SRGAP1: variants seen among roughly 807,000 people sequenced by gnomAD.
SRGAP1 encodes the protein SLIT-ROBO Rho GTPase-activating protein 1.
A neutral mutation model predicts 121.9 loss-of-function variants in SRGAP1; 43 were observed. The ratio of observed to expected loss-of-function variants is 0.35; its 90% confidence interval spans 0.28 to 0.46. SRGAP1 has a LOEUF of 0.46. Ranked by LOEUF, SRGAP1 falls within the 20% of genes least tolerant of loss-of-function variation. SRGAP1 has a pLI of 1.00. For synonymous variants in SRGAP1, 447 were observed against 485.4 expected, an observed-to-expected ratio of 0.92 and a Z score of 1.04; for missense variants, 1,102 against 1,350.9, an observed-to-expected ratio of 0.82 and a Z score of 2.89.
rs1196886875 is a variant in SRGAP1 at position 63,932,832 on chromosome 12, A to G, written c.68-51115A>G. Among the ~76,000 whole-genome samples the G allele has an allele frequency of 2.0e-5, 3 of 152,186 alleles. No individual in the cohort carries two copies. The East Asian group carries it at 5.8e-4, about 29-fold the overall frequency. On this transcript the variant is annotated intron_variant, in intron 1 of 21. Coordinates refer to ENST00000355086, the MANE Select transcript of SRGAP1 (RefSeq NM_020762.4). ...TTTGCATTTTTTCCTGCATTCTGAT[A>G]TGAGACTGGTTGAAGTGGAAAATCA...
chr12:63,995,073 G>A (rs2033657753), intron 3 of SRGAP1, among the ~76,000 whole-genome samples: 1 of 152,200 alleles, frequency 6.6e-6, no homozygotes, highest in Non-Finnish European at 1.5e-5. Flanking sequence ...TATGTAGTTT[G>A]GAGGTATACC....
chr12:63,905,975 T>G (rs1030140354), intron 1 of SRGAP1, among the ~76,000 whole-genome samples: 12 of 152,324 alleles, frequency 7.9e-5, no homozygotes, highest in African/African-American at 2.6e-4. Flanking sequence ...CAGCCATCAC[T>G]GCAATGCAGG....
intron 1 of SRGAP1, among the ~76,000 whole-genome samples, chr12:63,887,028 C>G (rs1376146267): frequency 6.6e-6 from 1 of 152,140 alleles, no homozygotes; most frequent in Non-Finnish European, 1.5e-5. Flanking sequence ...CATCCGCCAC[C>G]ATGCCTGGCT....
chr12:63,927,141 CTG>C, intron 1 of SRGAP1, among the ~76,000 whole-genome samples: 1 of 152,160 alleles, frequency 6.6e-6, no homozygotes, highest in Non-Finnish European at 1.5e-5. Flanking sequence ...ATCTTGACGT[CTG>C]TTAGTATTTT....
chr12:63,993,833 C>T (rs1014333291), intron 3 of SRGAP1, among the ~76,000 whole-genome samples: 3 of 150,746 alleles, frequency 2.0e-5, no homozygotes, highest in African/African-American at 7.3e-5. Flanking sequence ...ACATAGTTGC[C>T]TAAACTCAAA....
At position 64,062,921 on chromosome 12, in the gene SRGAP1, G is replaced by A. The variant is rs1208074975; in HGVS notation, c.806G>A (p.Cys269Tyr). The change falls in exon 7 of 22, where the codon TGT becomes TAT. Residue 269 changes from cysteine to tyrosine, a missense_variant. Transcript: ENST00000355086. ...IHDLSDLIDC[C>Y]DLGYHASLNR... Reference sequence around the variant, plus strand: ...GGTGTTCTTTTACTTTTTAAGTGCTGTGATCTTGGCTACCATGCAAGTCTG... The same window carrying A: ...GGTGTTCTTTTACTTTTTAAGTGCTATGATCTTGGCTACCATGCAAGTCTG... 8.1e-6 allele frequency: 13 copies of A among 1,607,488 alleles called. No homozygotes were observed. Among genetic ancestry groups the A allele is most frequent in the Non-Finnish European group, 1.1e-5 (13 of 1,176,896 alleles).
chr12:63,943,756 A>G (rs2031946297), intron 1 of SRGAP1, among the ~76,000 whole-genome samples: 1 of 152,186 alleles, frequency 6.6e-6, no homozygotes, highest in East Asian at 1.9e-4. Context: ...CATGGGGTAT[A>G]CAGATCTGCA....
intron 18 of SRGAP1, 108 bp downstream of exon 18, chr12:64,116,001 T>A: frequency 9.6e-7 from 1 of 1,043,528 alleles, no homozygotes; most frequent in South Asian, 1.6e-5. Context: ...CTACCTATAA[T>A]CCCAGCACGT....
At chr12:64,055,984 C>T (rs796980899) in intron 6 of SRGAP1, among the ~76,000 whole-genome samples, 4 of 152,276 alleles carry the variant, frequency 2.6e-5, no homozygotes, top group African/African-American at 9.6e-5. Context: ...GTCTAACAGG[C>T]ATCTTGAACA....
chr12:64,082,841 A>G (rs948106751), intron 10 of SRGAP1, among the ~76,000 whole-genome samples: 2 of 152,138 alleles, frequency 1.3e-5, no homozygotes, highest in Admixed American at 6.5e-5. Flanking sequence ...ACAGGACTCC[A>G]TTTATGCTGC....
At chr12:63,931,165 A>G (rs1013064388) in intron 1 of SRGAP1, among the ~76,000 whole-genome samples, 2 of 152,222 alleles carry the variant, frequency 1.3e-5, no homozygotes, top group African/African-American at 4.8e-5. Context: ...GATGATTCAC[A>G]TTCGTACTGT....
chr12:64,113,948 ACTTT>A (rs1298070451), intron 17 of SRGAP1, among the ~76,000 whole-genome samples: 1 of 152,158 alleles, frequency 6.6e-6, no homozygotes, highest in Non-Finnish European at 1.5e-5. Context: ...TGCTCACAAC[ACTTT>A]CTTTCTCATT....
In SRGAP1 at chr12:64,135,371, A is replaced by G. The variant is rs116510385; in HGVS notation, c.2881-6924A>G. On this transcript the variant is annotated intron_variant, in intron 21 of 21. Transcript: ENST00000355086. ...AATTTTAGTTCTTTATCTGTGGGAG[A>G]TAAGACTCACACTCAGGGCAGTCTT... 8.7e-3 allele frequency among the ~76,000 whole-genome samples: 1,330 copies of G among 152,280 alleles called. 15 individuals are homozygous for G. The highest frequency in any genetic ancestry group is 0.03 in the African/African-American group (1,245 of 41,562).
chr12:63,875,375 C>T (rs1349156310), intron 1 of SRGAP1, among the ~76,000 whole-genome samples: 1 of 151,982 alleles, frequency 6.6e-6, no homozygotes, highest in African/African-American at 2.4e-5. Flanking sequence ...GGAAGGTCGC[C>T]AATAATCAAG....
In SRGAP1 at chr12:63,949,196, C is replaced by CAT. The variant is rs1250030361; in HGVS notation, c.68-34738_68-34737dup. The stretch of plus-strand genomic sequence containing the variant: ...TTTTTTCCATATATATTTTTTTTTC[C>CAT]ATATATATATATATTTTTTCCATAT... On this transcript the variant is annotated intron_variant, in intron 1 of 21. Coordinates refer to ENST00000355086, the MANE Select transcript of SRGAP1 (RefSeq NM_020762.4). Among the ~76,000 whole-genome samples the CAT allele has an allele frequency of 1.2e-3, 140 of 116,854 alleles. 5 individuals carry two copies. The highest frequency in any genetic ancestry group is 3.8e-3 in the African/African-American group (118 of 31,194). 76.7% of individuals were successfully genotyped at this position (116,854 alleles called of 152,430 possible). A position where few individuals can be genotyped will look rare whatever the true frequency, so the allele number is the denominator to read the frequency against.
intron 15 of SRGAP1, chr12:64,097,637 C>A (rs1031111768): frequency 3.1e-6 from 1 of 323,292 alleles, no homozygotes; most frequent in Non-Finnish European, 5.6e-6. Flanking sequence ...TGGAATTGAG[C>A]AGAAAGCCAG....
chr12:63,902,100 A>G (rs1297612418), intron 1 of SRGAP1, among the ~76,000 whole-genome samples: 1 of 152,154 alleles, frequency 6.6e-6, no homozygotes, highest in Non-Finnish European at 1.5e-5. Flanking sequence ...GGATCGCTCG[A>G]GCTCAGGAGT....
chr12:64,141,286 A>AG lies in SRGAP1; in HGVS notation c.2881-1009_2881-1008insG, dbSNP rs1364855732. On this transcript the variant is annotated intron_variant, in intron 21 of 21. Transcript: ENST00000355086. The stretch of plus-strand genomic sequence containing the variant: ...TTAAAGTATAATAAAAAAAAAAAAA[A>AG]AAAAGAAAAACTTGGCCCGGCACGG... 2.4e-3 allele frequency among the ~76,000 whole-genome samples: 316 copies of AG among 129,222 alleles called. 3 individuals carry two copies. Among genetic ancestry groups the AG allele is most frequent in the Non-Finnish European group, 3.9e-3 (242 of 61,662 alleles). 84.8% of individuals were successfully genotyped at this position (129,222 alleles called of 152,430 possible).
chr12:64,139,195 G>A (rs1300490225), intron 21 of SRGAP1, among the ~76,000 whole-genome samples: 2 of 152,124 alleles, frequency 1.3e-5, no homozygotes, highest in South Asian at 2.1e-4. Flanking sequence ...CCTTGTTATT[G>A]TGACATTAAA....
Sources: allele counts gnomAD v4.1 joint callset (sites outside exome capture counted in the v4.1 genomes callset), GRCh38; gene constraint gnomAD v4.1.1; transcripts MANE v1.5; gene names NCBI Gene and HGNC (gene_info 2026-07-23, HGNC 2026-07-21).